ELMO1: variants seen among roughly 807,000 people sequenced by gnomAD.
ELMO1 encodes engulfment and cell motility 1.
ELMO1 carries 26 observed loss-of-function variants against 98.9 expected under a neutral mutation model. That is an observed-to-expected ratio of 0.26 (90% CI 0.19 to 0.36). The LOEUF (loss-of-function observed/expected upper bound fraction) is 0.36. ELMO1 is among the 10% of genes least tolerant of loss of function. ELMO1 has a pLI of 1.00. For synonymous variants in ELMO1, 346 were observed against 346.0 expected (o/e 1.00, Z 0.00); for missense variants, 627 against 935.2 (o/e 0.67, Z 4.30).
At chr7:37,097,270 A>T (rs1231212641) in intron 14 of ELMO1, among the ~76,000 whole-genome samples, 2 of 152,158 alleles carry the variant, frequency 1.3e-5, no homozygotes, top group African/African-American at 4.8e-5. Context: ...GGGTATGGTG[A>T]TTCACGTCTG....
chr7:36,937,778 CA>C (rs1439106564), intron 16 of ELMO1, among the ~76,000 whole-genome samples: 1 of 152,198 alleles, frequency 6.6e-6, no homozygotes, highest in Non-Finnish European at 1.5e-5. Flanking sequence ...ATGGTTTGCT[CA>C]GTCTTTTTAT....
chr7:37,052,173 G>T (rs1285937862), intron 15 of ELMO1, among the ~76,000 whole-genome samples: 1 of 152,194 alleles, frequency 6.6e-6, no homozygotes, highest in Non-Finnish European at 1.5e-5. Flanking sequence ...AAGGGCAGAA[G>T]CACCTTTCCC....
Position 37,422,293 on chromosome 7 carries a change from A to C in ELMO1, c.-74+26382T>G, listed in dbSNP as rs548326301. Among the ~76,000 whole-genome samples the C allele has an allele frequency of 1.2e-3, 176 of 152,328 alleles. 1 individual carries two copies. The highest frequency in any genetic ancestry group is 3.6e-3 in the African/African-American group (149 of 41,578). ...GGAAATGAGCCTGCGTTATTCATCA[A>C]AGTCTTTTCCAGCCCTGGAAGAGTC... On this transcript the variant is annotated intron_variant, in intron 1 of 21. Coordinates refer to ENST00000310758, the MANE Select transcript of ELMO1 (RefSeq NM_014800.11).
chr7:37,084,514 G>T (rs1783655768), intron 15 of ELMO1, among the ~76,000 whole-genome samples: 1 of 152,204 alleles, frequency 6.6e-6, no homozygotes, highest in Non-Finnish European at 1.5e-5. Context: ...GTGGGTGATA[G>T]CATTGCACCA....
At chr7:36,900,504 C>T (rs1287974200) in intron 16 of ELMO1, among the ~76,000 whole-genome samples, 1 of 152,142 alleles carries the variant, frequency 6.6e-6, no homozygotes, top group Non-Finnish European at 1.5e-5. Context: ...GTTTATAAAG[C>T]ACACTTTCAC....
intron 19 of ELMO1, among the ~76,000 whole-genome samples, chr7:36,873,885 C>G (rs1462085821): frequency 6.6e-6 from 1 of 152,234 alleles, no homozygotes; most frequent in Non-Finnish European, 1.5e-5. Flanking sequence ...CAAGTTCAGG[C>G]AGAAACCATT....
chr7:37,062,977 G>A (rs1354915268), intron 15 of ELMO1, among the ~76,000 whole-genome samples: 1 of 152,108 alleles, frequency 6.6e-6, no homozygotes, highest in African/African-American at 2.4e-5. Flanking sequence ...CATTCCAGAG[G>A]CATCAGAGAG....
At chr7:37,006,918 T>C (rs1793172337) in intron 16 of ELMO1, among the ~76,000 whole-genome samples, 1 of 152,202 alleles carries the variant, frequency 6.6e-6, no homozygotes, top group South Asian at 2.1e-4. Context: ...TGTCTCTGGA[T>C]AGTATAATTG....
intron 14 of ELMO1, among the ~76,000 whole-genome samples, chr7:37,119,948 G>T (rs781451995): frequency 6.6e-6 from 1 of 152,144 alleles, no homozygotes; most frequent in Non-Finnish European, 1.5e-5. Flanking sequence ...TTAATTATGT[G>T]ATTTTTTGGG....
chr7:37,231,495 T>C (rs779897672), intron 8 of ELMO1, among the ~76,000 whole-genome samples: 1 of 152,158 alleles, frequency 6.6e-6, no homozygotes, highest in Non-Finnish European at 1.5e-5. Context: ...TTGCCAAAAA[T>C]GCATAACCTT....
In ELMO1 at chr7:37,013,443, A is replaced by C; in HGVS notation, c.1301-8T>G. On this transcript the variant is annotated splice_polypyrimidine_tract_variant and splice_region_variant and intron_variant, in intron 15 of 21. Transcript: ENST00000310758. ...CGTTGCAGGTCTCACTAGCTGGAGG[A>C]AAGAGATGGAAAATAAGAGAAAAAG... is the stretch of plus-strand genomic sequence containing the variant. The C allele has an allele frequency of 3.1e-6, 5 of 1,613,646 alleles. No homozygotes were observed. The highest frequency in any genetic ancestry group is 4.2e-6 in the Non-Finnish European group (5 of 1,179,760).
rs747863018 is a variant in ELMO1, at chr7:36,918,148, AGAG to A, written c.1438-23134_1438-23132del. On this transcript the variant is annotated intron_variant, in intron 16 of 21. Coordinates refer to ENST00000310758, the MANE Select transcript of ELMO1 (RefSeq NM_014800.11). Reference sequence around the variant, plus strand: ...GGTGAAGAGGAACAATAACAAAATAAGAGGAGGGTCTTGCATGGCCTTAGGGTG... The same window carrying A: ...GGTGAAGAGGAACAATAACAAAATAAGAGGGTCTTGCATGGCCTTAGGGTG... 8.6e-4 allele frequency among the ~76,000 whole-genome samples: 131 copies of A among 152,140 alleles called. 2 individuals carry two copies. In the Middle Eastern group the frequency reaches 0.014, roughly 16 times the overall value.
At chr7:37,320,495 A>G (rs1388384209) in intron 2 of ELMO1, among the ~76,000 whole-genome samples, 1 of 151,996 alleles carries the variant, frequency 6.6e-6, no homozygotes, top group East Asian at 1.9e-4. Context: ...TTCTGTTCCA[A>G]CTCTAACAAG....
At chr7:36,954,002 G>T (rs879061610) in intron 16 of ELMO1, among the ~76,000 whole-genome samples, 3 of 152,174 alleles carry the variant, frequency 2.0e-5, no homozygotes, top group Admixed American at 2.0e-4. Flanking sequence ...AAATTAAAAT[G>T]CTGGTTTTTA....
chr7:36,917,232 C>A (rs1254532964), intron 16 of ELMO1, among the ~76,000 whole-genome samples: 1 of 152,054 alleles, frequency 6.6e-6, no homozygotes, highest in Non-Finnish European at 1.5e-5. Flanking sequence ...GAAATAACTA[C>A]CTTATTCACA....
At chr7:36,899,682 A>ACCTTTTTTTTTTTTTTTTTTTTTTTTTT (rs1806332124) in intron 16 of ELMO1, among the ~76,000 whole-genome samples, 1 of 5,396 alleles carries the variant, frequency 1.9e-4, no homozygotes, top group Non-Finnish European at 4.1e-4. Flanking sequence ...ATCTTTACTC[A>ACCTTTTTTTTTTTTTTTTTTTTTTTTTT]TCTTTTTTTT....
At chr7:37,323,395 C>T (rs1448071647) in intron 2 of ELMO1, among the ~76,000 whole-genome samples, 5 of 152,232 alleles carry the variant, frequency 3.3e-5, no homozygotes, top group Admixed American at 2.0e-4. Context: ...ATTTTTGTAA[C>T]GTAAGTTAGA....
chr7:37,092,483 A>G (rs375828250), intron 15 of ELMO1, among the ~76,000 whole-genome samples: 165 of 142,304 alleles, frequency 1.2e-3, no homozygotes, highest in African/African-American at 4.0e-3. Context: ...GGTTCACACC[A>G]TTCTCCTGCC....
At chr7:37,273,642 C>T (rs1001812842) in intron 4 of ELMO1, among the ~76,000 whole-genome samples, 2 of 152,168 alleles carry the variant, frequency 1.3e-5, no homozygotes, top group Non-Finnish European at 2.9e-5. Context: ...GCAGAGTACA[C>T]ACCACACCCA....
Sources: gnomAD v4.1 joint callset for allele counts (sites outside exome capture counted in the v4.1 genomes callset) on GRCh38, gnomAD v4.1.1 for gene constraint, MANE v1.5 for transcripts, NCBI Gene and HGNC (gene_info 2026-07-23, HGNC 2026-07-21) for gene names.